Variants in ANK2 observed in about 807,000 individuals in gnomAD.
ANK2 encodes the protein ankyrin-2.
In ANK2, 83 loss-of-function variants were observed where a neutral mutation model predicts 360.5. The ratio of observed to expected loss-of-function variants is 0.23; its 90% CI spans 0.19 to 0.28. The LOEUF is 0.28. Among genes scored for constraint, ANK2 ranks in the 10% least tolerant of loss-of-function variants. The pLI, the probability that ANK2 is intolerant of heterozygous loss-of-function variation, is 1.00. For missense variants in ANK2, 4,201 were observed against 4,795.7 expected, an observed-to-expected ratio of 0.88 and a Z score of 3.66; for synonymous variants, 1,740 against 1,759.5, an observed-to-expected ratio of 0.99 and a Z score of 0.28.
chr4:113,036,282 G>A (rs1038230175), intron 2 of ANK2, among the ~76,000 whole-genome samples: 7 of 151,462 alleles, frequency 4.6e-5, no homozygotes, highest in Non-Finnish European at 1.0e-4. Context: ...AATTATCTAG[G>A]AGTTTAGATG....
chr4:113,161,324 G>C (rs1012350299), intron 1 of ANK2, among the ~76,000 whole-genome samples: 1 of 151,980 alleles, frequency 6.6e-6, no homozygotes, highest in Non-Finnish European at 1.5e-5. Context: ...TATAAGCTAA[G>C]TTTTTTTTAA....
intron 2 of ANK2, among the ~76,000 whole-genome samples, chr4:112,956,450 C>T (rs893393513): frequency 6.6e-6 from 1 of 152,126 alleles, no homozygotes; most frequent in African/African-American, 2.4e-5. Flanking sequence ...TACGCTTGTG[C>T]TTTGTGGTCG....
At chr4:113,198,990 T>C (rs1272944653) in intron 3 of ANK2, 21 bp from the exon 4 acceptor site, 7 of 1,588,968 alleles carry the variant, frequency 4.4e-6, no homozygotes, top group Non-Finnish European at 6.0e-6. Context: ...GAACATTTTC[T>C]ATTTTGTTTC....
At chr4:112,821,585 C>T (rs1405438656) in intron 1 of ANK2, among the ~76,000 whole-genome samples, 3 of 150,896 alleles carry the variant, frequency 2.0e-5, no homozygotes, top group Non-Finnish European at 4.4e-5. Flanking sequence ...CTCATGTAAC[C>T]TTGAACTCTT....
chr4:113,348,748 A>G (rs1047039608), intron 36 of ANK2, among the ~76,000 whole-genome samples: 1 of 152,158 alleles, frequency 6.6e-6, no homozygotes, highest in Non-Finnish European at 1.5e-5. Context: ...CCCAGAGGCT[A>G]TACTACATGT....
rs560688244 is a variant in ANK2 at position 113,343,924 on chromosome 4, C to T, written c.4248+782C>T. Among the ~76,000 whole-genome samples the T allele has an allele frequency of 2.0e-5, 3 of 152,230 alleles. No individual in the cohort carries two copies. The East Asian group carries it at 5.8e-4, about 29-fold the overall frequency. On this transcript the variant is annotated intron_variant, in intron 34 of 45. Coordinates refer to ENST00000357077, the MANE Select transcript of ANK2 (RefSeq NM_001148.6). Reference sequence around the variant, plus strand: ...TCGTTTTTTTTCCAATCCTACTTCACCTACTCATTTCCAACTGTTCATCAG... The same window carrying T: ...TCGTTTTTTTTCCAATCCTACTTCATCTACTCATTTCCAACTGTTCATCAG...
At position 113,196,441 on chromosome 4, in the gene ANK2, G is replaced by A. The variant is rs1440318377; in HGVS notation, c.260G>A (p.Gly87Glu). ...VGLVQELLGR[G>E]SSVDSATKKG... ...CTGGTGCAGGAGCTGCTGGGAAGAGGGTCCTCTGTGGATTCTGCCACTAAG... is the reference window on the plus strand; with the variant it reads ...CTGGTGCAGGAGCTGCTGGGAAGAGAGTCCTCTGTGGATTCTGCCACTAAG... The change falls in exon 3 of 46, where the codon GGG becomes GAG. Residue 87 changes from glycine (G) to glutamate (E), a missense_variant. Coordinates refer to ENST00000357077, the MANE Select transcript of ANK2 (RefSeq NM_001148.6). 5.6e-6 allele frequency: 9 copies of A among 1,613,154 alleles called. No individual in the cohort carries two copies. The highest frequency in any genetic ancestry group is 7.6e-6 in the Non-Finnish European group (9 of 1,179,788).
At chr4:113,027,778 CTA>C (rs2059593364) in intron 2 of ANK2, among the ~76,000 whole-genome samples, 1 of 151,926 alleles carries the variant, frequency 6.6e-6, no homozygotes, top group Admixed American at 6.6e-5. Context: ...AGAAATCTAT[CTA>C]TTTGTTGAAA....
At chr4:113,037,695 C>A (rs2061913166) in intron 2 of ANK2, among the ~76,000 whole-genome samples, 1 of 151,868 alleles carries the variant, frequency 6.6e-6, no homozygotes, top group African/African-American at 2.4e-5. Context: ...AGGCCCAAGT[C>A]ACAATTTGTT....
intron 22 of ANK2, among the ~76,000 whole-genome samples, chr4:113,297,657 A>G (rs572970289): frequency 1.3e-5 from 2 of 152,268 alleles, no homozygotes; most frequent in South Asian, 4.1e-4. Flanking sequence ...TTTTCTTTAA[A>G]TATAGGTCCA....
At chr4:113,214,810 G>T (rs2099067852) in intron 4 of ANK2, among the ~76,000 whole-genome samples, 1 of 152,046 alleles carries the variant, frequency 6.6e-6, no homozygotes, top group African/African-American at 2.4e-5. Context: ...GGAAATTTTT[G>T]TGTAATAATT....
chr4:113,271,403 G>A (rs2058444042), intron 14 of ANK2, among the ~76,000 whole-genome samples: 1 of 151,922 alleles, frequency 6.6e-6, no homozygotes, highest in Non-Finnish European at 1.5e-5. Flanking sequence ...GGGGGTATTG[G>A]GCAGAAAAAT....
intron 45 of ANK2, among the ~76,000 whole-genome samples, chr4:113,377,159 G>A (rs776468266): frequency 1.2e-4 from 18 of 151,862 alleles, no homozygotes; most frequent in South Asian, 4.2e-4. Context: ...TGTATTTACC[G>A]TACATAAACC....
At chr4:113,080,867 T>C (rs905933057) in intron 1 of ANK2, among the ~76,000 whole-genome samples, 3 of 152,054 alleles carry the variant, frequency 2.0e-5, no homozygotes, top group Admixed American at 2.0e-4. Context: ...GGAGAGGACA[T>C]AGCAGAATGG....
chr4:112,729,373 T>G, the ANK2 span, among the ~76,000 whole-genome samples: 4 of 152,200 alleles, frequency 2.6e-5, no homozygotes, highest in African/African-American at 4.8e-5. Context: ...ATGGTGAAGT[T>G]ATAGATGCAT....
At chr4:113,336,199 C>A in intron 30 of ANK2, 142 bp downstream of exon 30, 1 of 895,402 alleles carries the variant, frequency 1.1e-6, no homozygotes, top group Non-Finnish European at 1.7e-6. Flanking sequence ...AAGTCAAAAT[C>A]CATATTTATT....
At chr4:113,274,919 CT>C (rs2059692239) in intron 15 of ANK2, among the ~76,000 whole-genome samples, 1 of 152,074 alleles carries the variant, frequency 6.6e-6, no homozygotes, top group South Asian at 2.1e-4. Context: ...ACTTTTTCTT[CT>C]CTTTTATTAT....
chr4:112,935,032 G>A (rs1347925438), intron 2 of ANK2, among the ~76,000 whole-genome samples: 5 of 152,096 alleles, frequency 3.3e-5, no homozygotes, highest in South Asian at 2.1e-4. Context: ...AGGTGAGAAC[G>A]TATTTTGGTT....
rs2077161265 is a variant in ANK2, at chr4:113,306,188, G to A, written c.2548+3349G>A. ...ATGTATATATTAAAAGAAGTATAAT[G>A]TAAGGCACTATGTTGTCAGTTTTTC... On this transcript the variant is annotated intron_variant, in intron 23 of 45. Transcript: ENST00000357077. 3.9e-5 allele frequency among the ~76,000 whole-genome samples: 6 copies of A among 152,332 alleles called. No individual in the cohort carries two copies. In the South Asian group the frequency reaches 1.0e-3, roughly 26 times the overall value.
Sources: allele counts gnomAD v4.1 joint callset (sites outside exome capture counted in the v4.1 genomes callset), GRCh38; gene constraint gnomAD v4.1.1; transcripts MANE v1.5; gene names NCBI Gene and HGNC (gene_info 2026-07-23, HGNC 2026-07-21).